Variants in VWA8 observed in about 807,000 individuals in gnomAD.
VWA8 encodes the protein von Willebrand factor A domain-containing protein 8.
VWA8 carries 221 observed loss-of-function variants against 241.5 expected under a neutral mutation model. The ratio of observed to expected loss-of-function variants is 0.91; its 90% CI spans 0.82 to 1.02. The LOEUF is 1.02. Among genes scored for constraint, VWA8 ranks in the 50% least tolerant of loss-of-function variants. The probability of loss-of-function intolerance (pLI) is 0.00; values close to 1 mark genes in which losing one functional copy is unlikely to be tolerated. For synonymous variants in VWA8, 852 were observed against 827.1 expected (o/e 1.03, Z -0.52); for missense variants, 2,322 against 2,328.7 (o/e 1.00, Z 0.06).
intron 42 of VWA8, among the ~76,000 whole-genome samples, chr13:41,576,920 TG>T (rs2044354300): frequency 1.3e-5 from 2 of 152,246 alleles, no homozygotes; most frequent in Admixed American, 1.3e-4. Context: ...GTACCTCAAA[TG>T]CATGTGTGTG....
chr13:41,951,641 G>C (rs1414628823), intron 1 of VWA8, among the ~76,000 whole-genome samples: 1 of 152,142 alleles, frequency 6.6e-6, no homozygotes, highest in Non-Finnish European at 1.5e-5. Context: ...TTTGGAAAGG[G>C]CTCAGAGACA....
intron 12 of VWA8, among the ~76,000 whole-genome samples, chr13:41,862,157 C>A (rs1399831627): frequency 6.6e-6 from 1 of 152,110 alleles, no homozygotes; most frequent in African/African-American, 2.4e-5. Context: ...CCTACAACCA[C>A]CAGATCTTTG....
chr13:41,664,389 ATGTG>A (rs3073033), intron 37 of VWA8, among the ~76,000 whole-genome samples: 12,613 of 137,820 alleles, frequency 0.092, 667 homozygotes, highest in African/African-American at 0.16. Context: ...ACATGCTTTG[ATGTG>A]TGTGTGTGTG....
intron 37 of VWA8, among the ~76,000 whole-genome samples, chr13:41,618,976 T>C (rs1484428682): frequency 1.3e-5 from 2 of 152,246 alleles, no homozygotes; most frequent in Non-Finnish European, 1.5e-5. Context: ...TGTTTCCATA[T>C]GAACTTTAAA....
At chr13:41,848,845 C>G (rs1872401411) in intron 12 of VWA8, among the ~76,000 whole-genome samples, 1 of 152,218 alleles carries the variant, frequency 6.6e-6, no homozygotes, top group South Asian at 2.1e-4. Flanking sequence ...CTACCTAAAT[C>G]TGGGAGAGCT....
intron 12 of VWA8, among the ~76,000 whole-genome samples, chr13:41,843,005 C>G (rs1320725841): frequency 6.6e-6 from 1 of 152,124 alleles, no homozygotes; most frequent in Non-Finnish European, 1.5e-5. Flanking sequence ...CCTGTTTCTC[C>G]CAGAAATTTT....
rs1000935742 is a variant in VWA8 at position 41,711,813 on chromosome 13, A to G, written c.3116+7778T>C. 2.7e-4 allele frequency among the ~76,000 whole-genome samples: 41 copies of G among 152,168 alleles called. No individual in the cohort carries two copies. The South Asian group carries it at 2.7e-3, about 10-fold the overall frequency. ...GGTGTGAACCTGGGAGGCGGAGCTT[A>G]CAGTGAGCCGAGATCATGCCACTGC... On this transcript the variant is annotated intron_variant, in intron 26 of 44. Transcript: ENST00000379310.
At chr13:41,930,835 G>C (rs903702320) in intron 2 of VWA8, among the ~76,000 whole-genome samples, 1 of 152,142 alleles carries the variant, frequency 6.6e-6, no homozygotes, top group African/African-American at 2.4e-5. Context: ...TTTCAGATAA[G>C]GGATGGTCAG....
At chr13:41,633,827 A>T (rs980571516) in intron 37 of VWA8, among the ~76,000 whole-genome samples, 1 of 152,052 alleles carries the variant, frequency 6.6e-6, no homozygotes, top group Non-Finnish European at 1.5e-5. Flanking sequence ...CCTTTGTGTT[A>T]GTTCTCCATT....
intron 36 of VWA8, 66 bp downstream of exon 36, chr13:41,675,149 T>C: frequency 2.5e-6 from 3 of 1,187,510 alleles, no homozygotes; most frequent in South Asian, 2.7e-5. Flanking sequence ...TTATTCAGAG[T>C]ACTTAGCAAG....
At position 41,671,129 on chromosome 13, in the gene VWA8, C is replaced by T. The variant is rs374092988; in HGVS notation, c.4428G>A (p.Pro1476=). 51 of 1,613,648 alleles carry T rather than the reference C, an allele frequency of 3.2e-5. No individual in the cohort carries two copies. Among genetic ancestry groups the T allele is most frequent in the Middle Eastern group, 1.7e-4 (1 of 6,058 alleles). The change falls in exon 37 of 45, where the codon CCG becomes CCA. Residue 1476 remains proline (P), a synonymous_variant. Coordinates refer to ENST00000379310, the MANE Select transcript of VWA8 (RefSeq NM_015058.2). ...IPIPRSESLS[P]YTTWLSTISD... is the part of the protein sequence containing the mutation. ...AAATGGTCGACAGCCATGTGGTATACGGCGAGAGAGATTCTGATCTGGAAA... is the reference window on the plus strand; with the variant it reads ...AAATGGTCGACAGCCATGTGGTATATGGCGAGAGAGATTCTGATCTGGAAA...
chr13:41,863,053 G>A (rs558067844), intron 12 of VWA8, among the ~76,000 whole-genome samples: 17 of 152,216 alleles, frequency 1.1e-4, no homozygotes, highest in Admixed American at 1.0e-3. Flanking sequence ...GTCTGTGGGG[G>A]TGTTGCCAAA....
At chr13:41,952,586 T>A (rs886943315) in intron 1 of VWA8, among the ~76,000 whole-genome samples, 1 of 152,166 alleles carries the variant, frequency 6.6e-6, no homozygotes, top group East Asian at 1.9e-4. Context: ...AAAATGATAC[T>A]GAGTAATTAA....
chr13:41,689,476 T>C lies in VWA8; in HGVS notation c.4009A>G (p.Ser1337Gly). The change falls in exon 34 of 45, where the codon AGT (serine) becomes GGT (glycine). Residue 1337 changes from serine (S) to glycine (G), a missense_variant. By Grantham distance (56) the Ser-to-Gly change is moderately conservative (BLOSUM62 0). Transcript: ENST00000379310. ...TEFSIPHKIS[S>G]DQLSSEHLSS... ...AGATGTTCAGATGATAGTTGATCACTGGAAATTTTATGAGGTATGCTGAAC... is the reference window on the plus strand; with the variant it reads ...AGATGTTCAGATGATAGTTGATCACCGGAAATTTTATGAGGTATGCTGAAC... 1.2e-6 allele frequency: 2 copies of C among 1,611,142 alleles called. No individual in the cohort carries two copies. Among genetic ancestry groups the C allele is most frequent in the Non-Finnish European group, 1.7e-6 (2 of 1,178,780 alleles).
intron 12 of VWA8, among the ~76,000 whole-genome samples, chr13:41,857,865 G>A (rs1010155155): frequency 6.6e-6 from 1 of 152,160 alleles, no homozygotes; most frequent in Non-Finnish European, 1.5e-5. Flanking sequence ...ATTAGCAGTT[G>A]AACTGGTAGA....
chr13:41,694,591 CTAGAT>C (rs1343857310), intron 29 of VWA8, among the ~76,000 whole-genome samples: 1 of 151,772 alleles, frequency 6.6e-6, no homozygotes, highest in Non-Finnish European at 1.5e-5. Context: ...AATCTCTATT[CTAGAT>C]TAAATATTTT....
chr13:41,718,793 T>C (rs1471233572), intron 26 of VWA8, among the ~76,000 whole-genome samples: 1 of 151,758 alleles, frequency 6.6e-6, no homozygotes, highest in Non-Finnish European at 1.5e-5. Flanking sequence ...CATTTTTTTC[T>C]ACAGAAAGAT....
At chr13:41,613,681 A>G (rs2044603910) in intron 38 of VWA8, among the ~76,000 whole-genome samples, 1 of 152,144 alleles carries the variant, frequency 6.6e-6, no homozygotes, top group Non-Finnish European at 1.5e-5. Flanking sequence ...TACTATTTAA[A>G]TGAAAGTGCT....
intron 2 of VWA8, 57 bp downstream of exon 2, chr13:41,949,879 A>G: frequency 1.8e-6 from 2 of 1,084,000 alleles, no homozygotes; most frequent in Admixed American, 2.5e-5. Context: ...AACTTTGAAA[A>G]TTCCTATAAT....
Sources: gnomAD v4.1 joint callset for allele counts (sites outside exome capture counted in the v4.1 genomes callset) on GRCh38, gnomAD v4.1.1 for gene constraint, MANE v1.5 for transcripts, NCBI Gene and HGNC (gene_info 2026-07-23, HGNC 2026-07-21) for gene names.